The following ZNF480 variants were observed in gnomAD, a reference collection of about 807,000 sequenced individuals.
ZNF480 encodes zinc finger protein 480.
In ZNF480, 15 loss-of-function variants were observed where a neutral mutation model predicts 14.4. The ratio of observed to expected loss-of-function variants is 1.04; its 90% CI spans 0.70 to 1.60. The LOEUF is 1.60. Ranked by LOEUF, ZNF480 falls within the 40% of genes most tolerant of loss-of-function variation. The pLI, the probability that ZNF480 is intolerant of heterozygous loss-of-function variation, is 0.00. For missense variants in ZNF480, 593 were observed against 629.7 expected, an observed-to-expected ratio of 0.94 and a Z score of 0.62; for synonymous variants, 218 against 215.5, an observed-to-expected ratio of 1.01 and a Z score of -0.10.
chr19:52,311,533 G>GT (rs1372143044), intron 2 of ZNF480, among the ~76,000 whole-genome samples: 2 of 152,104 alleles, frequency 1.3e-5, no homozygotes, highest in African/African-American at 4.8e-5. Flanking sequence ...AACTTTCTGT[G>GT]TTTTTTCATG....
chr19:52,305,985 C>A (rs1982909982), intron 2 of ZNF480, among the ~76,000 whole-genome samples: 1 of 152,130 alleles, frequency 6.6e-6, no homozygotes, highest in African/African-American at 2.4e-5. Context: ...CATTCTTTTT[C>A]AATATGATCA....
At chr19:52,299,362 C>G (rs1982573834) in intron 1 of ZNF480, among the ~76,000 whole-genome samples, 1 of 152,170 alleles carries the variant, frequency 6.6e-6, no homozygotes, top group African/African-American at 2.4e-5. Flanking sequence ...TAATTTCAGT[C>G]AAGTTGACAC....
At chr19:52,309,951 T>A (rs1175756245) in intron 2 of ZNF480, among the ~76,000 whole-genome samples, 1 of 152,242 alleles carries the variant, frequency 6.6e-6, no homozygotes, top group East Asian at 1.9e-4. Flanking sequence ...TGTCAGATGT[T>A]TCTTTCCTGT....
At chr19:52,316,287 C>T (rs886840049) in intron 4 of ZNF480, among the ~76,000 whole-genome samples, 5 of 150,242 alleles carry the variant, frequency 3.3e-5, no homozygotes, top group Admixed American at 6.7e-5. Flanking sequence ...AGTGCAGTGG[C>T]GCTATCTCAG....
At chr19:52,309,666 G>A (rs1474245352) in intron 2 of ZNF480, among the ~76,000 whole-genome samples, 3 of 152,200 alleles carry the variant, frequency 2.0e-5, no homozygotes, top group Non-Finnish European at 2.9e-5. Context: ...CTGGGCAGGG[G>A]TTCTGGTGGG....
At chr19:52,309,420 G>A (rs1322751873) in intron 2 of ZNF480, among the ~76,000 whole-genome samples, 18 of 152,156 alleles carry the variant, frequency 1.2e-4, no homozygotes, top group Non-Finnish European at 2.9e-5. Context: ...GGTCTGCACT[G>A]TCACCTGGTG....
In ZNF480 at chr19:52,321,702, G is replaced by A. The variant is rs142942426; in HGVS notation, c.452G>A (p.Cys151Tyr). ...LFPDERVING[C>Y]NQVENFINHS... ...CCAGATGAAAGGGTAATAAATGGAT[G>A]TAATCAAGTTGAAAACTTTATCAAC... is the stretch of plus-strand genomic sequence containing the variant. Residue 151 changes from cysteine to tyrosine, a missense_variant, in exon 5 of 5, where the codon TGT becomes TAT. Cys to Tyr is a radical substitution (Grantham distance 194, BLOSUM62 -2). Transcript: ENST00000595962. 137 of 1,614,116 alleles carry A rather than the reference G, an allele frequency of 8.5e-5. No individual in the cohort carries two copies. In the African/African-American group the frequency reaches 1.7e-3, roughly 20 times the overall value.
chr19:52,302,069 A>G, intron 2 of ZNF480: 1 of 235,486 alleles, frequency 4.2e-6, no homozygotes, highest in Admixed American at 5.0e-5. Context: ...CTTCCTCAGC[A>G]TCTGGCTCAT....
At chr19:52,300,088 G>T (rs1021548388) in intron 1 of ZNF480, among the ~76,000 whole-genome samples, 1 of 152,208 alleles carries the variant, frequency 6.6e-6, no homozygotes, top group African/African-American at 2.4e-5. Context: ...GAGAGGAGGG[G>T]CTGTGCTCTG....
intron 1 of ZNF480, among the ~76,000 whole-genome samples, chr19:52,300,018 C>T (rs868031245): frequency 2.9e-4 from 44 of 152,214 alleles, no homozygotes; most frequent in African/African-American, 9.9e-4. Context: ...TGGTGCTGAG[C>T]ACCAAGGCTC....
intron 2 of ZNF480, chr19:52,302,237 C>A: frequency 6.2e-6 from 1 of 161,404 alleles, no homozygotes; most frequent in South Asian, 1.9e-4. Context: ...CTGTCTTTGC[C>A]GCTGATTTCT....
intron 2 of ZNF480, chr19:52,300,872 CTT>C (rs1982660284): frequency 4.3e-6 from 1 of 233,016 alleles, no homozygotes; most frequent in Non-Finnish European, 8.5e-6. Context: ...GAGAAACAGT[CTT>C]TGGCTAATTA....
intron 4 of ZNF480, among the ~76,000 whole-genome samples, chr19:52,316,919 C>G (rs111231621): frequency 1.1e-4 from 17 of 152,296 alleles, no homozygotes; most frequent in African/African-American, 3.8e-4. Flanking sequence ...TTCTATTTGT[C>G]TGTACCACAG....
chr19:52,319,374 G>T (rs566056799), intron 4 of ZNF480, among the ~76,000 whole-genome samples: 104 of 152,212 alleles, frequency 6.8e-4, no homozygotes, highest in Non-Finnish European at 1.3e-3. Context: ...TAGTATTCTT[G>T]GTTGATTTTA....
rs1983810970 is a variant in ZNF480, at chr19:52,321,577, A to G, written c.329-2A>G. On this transcript the variant is annotated splice_acceptor_variant, in intron 4 of 4. Coordinates refer to ENST00000595962, the MANE Select transcript of ZNF480 (RefSeq NM_144684.4). LOFTEE classifies it high-confidence loss of function. ...AATTTTACTTTTTTCTTGCTTTCCT[A>G]GGGAGCAGCTATGCATTGGGAAGCA... is the stretch of plus-strand genomic sequence containing the variant. The G allele has an allele frequency of 4.5e-6, 7 of 1,566,298 alleles. No homozygotes were observed. Among genetic ancestry groups the G allele is most frequent in the African/African-American group, 2.7e-5 (2 of 72,848 alleles).
chr19:52,321,867 A>G lies in ZNF480; in HGVS notation c.617A>G (p.Asn206Ser). 1 of 1,614,152 alleles carries G rather than the reference A, an allele frequency of 6.2e-7. No homozygotes were observed. The highest frequency in any genetic ancestry group is 8.5e-7 in the Non-Finnish European group (1 of 1,180,014). The part of the protein sequence containing the change: ...VHLREKPYEC[N>S]EHSKVFRVSS... ...CTTAGAGAAAAACCTTATGAATGTA[A>G]TGAGCATAGCAAAGTCTTTAGAGTA... is the stretch of plus-strand genomic sequence containing the variant. Residue 206 changes from asparagine (N) to serine (S), a missense_variant, in exon 5 of 5, where the codon AAT (asparagine) becomes AGT (serine). Coordinates refer to ENST00000595962, the MANE Select transcript of ZNF480 (RefSeq NM_144684.4).
At chr19:52,308,278 G>A (rs1436807803) in intron 2 of ZNF480, among the ~76,000 whole-genome samples, 2 of 149,630 alleles carry the variant, frequency 1.3e-5, no homozygotes, top group East Asian at 3.9e-4. Flanking sequence ...GTGAAGGAAG[G>A]AAAACGTTTT....
chr19:52,325,811 C>T lies in ZNF480; in HGVS notation c.*2953C>T, dbSNP rs1293399006. The stretch of plus-strand genomic sequence containing the variant: ...AGATTGAATAACTGCCTGTTGGGTA[C>T]TATGCTGATTACCTGGGGACAAAAT... On this transcript the variant is annotated 3_prime_UTR_variant, in exon 5 of 5. Transcript: ENST00000595962. 6.6e-6 allele frequency: 1 copy of T among 152,182 alleles called. No homozygotes were observed. The highest frequency in any genetic ancestry group is 1.5e-5 in the Non-Finnish European group (1 of 68,042). 9.4% of individuals were successfully genotyped at this position (152,182 alleles called of 1,614,324 possible). A position where few individuals can be genotyped will look rare whatever the true frequency, so the allele number is the denominator to read the frequency against.
intron 2 of ZNF480, chr19:52,301,331 T>C (rs1411495865): frequency 6.6e-6 from 1 of 152,222 alleles, no homozygotes; most frequent in Admixed American, 6.5e-5. Context: ...GTTCCTGGCA[T>C]TAGCATCAGA....
Sources: allele counts gnomAD v4.1 joint callset (sites outside exome capture counted in the v4.1 genomes callset), GRCh38; gene constraint gnomAD v4.1.1; transcripts MANE v1.5; gene names NCBI Gene and HGNC (gene_info 2026-07-23, HGNC 2026-07-21).